Variants in TTC28 observed in about 807,000 individuals in gnomAD.
TTC28 encodes tetratricopeptide repeat domain 28, also known as tetratricopeptide repeat protein 28.
TTC28 carries 61 observed loss-of-function variants against 198.0 expected under a neutral mutation model. The observed-to-expected ratio is 0.31, with a 90% CI of 0.25 to 0.38. TTC28 has a LOEUF of 0.38. Among genes scored for constraint, TTC28 ranks in the 10% least tolerant of loss-of-function variants. TTC28 has a pLI of 1.00. For synonymous variants in TTC28, 1,171 were observed against 1,297.8 expected (o/e 0.90, Z 2.10); for missense variants, 2,678 against 3,164.0 (o/e 0.85, Z 3.69).
rs1023555328 is a variant in TTC28 at position 28,210,509 on chromosome 22, C to T, written c.934-46910G>A. 1.7e-4 allele frequency among the ~76,000 whole-genome samples: 26 copies of T among 152,048 alleles called. 1 individual carries two copies. Among genetic ancestry groups the T allele is most frequent in the Non-Finnish European group, 2.5e-4 (17 of 67,998 alleles). Reference sequence around the variant, plus strand: ...TGACACATACACAAGCTTCAGCAGCCGACTCAATCAAGTGGAAGAAAGGGT... The same window carrying T: ...TGACACATACACAAGCTTCAGCAGCTGACTCAATCAAGTGGAAGAAAGGGT... On this transcript the variant is annotated intron_variant, in intron 5 of 22. Coordinates refer to ENST00000397906, the MANE Select transcript of TTC28 (RefSeq NM_001145418.2).
chr22:28,043,345 G>A (rs1175376304), intron 12 of TTC28, among the ~76,000 whole-genome samples: 3 of 151,106 alleles, frequency 2.0e-5, no homozygotes, highest in Non-Finnish European at 2.9e-5. Flanking sequence ...TGTATCAGAC[G>A]TGTATTACTG....
intron 12 of TTC28, among the ~76,000 whole-genome samples, chr22:28,033,084 A>G (rs1017936499): frequency 6.6e-6 from 1 of 152,188 alleles, no homozygotes; most frequent in Admixed American, 6.5e-5. Flanking sequence ...TCGGCTTATC[A>G]TTCAGCCTTT....
chr22:28,171,070 G>C (rs2075201397), intron 5 of TTC28, among the ~76,000 whole-genome samples: 1 of 151,412 alleles, frequency 6.6e-6, no homozygotes, highest in Non-Finnish European at 1.5e-5. Flanking sequence ...CTCTATGCTG[G>C]TGTACTGAAC....
chr22:28,406,091 C>T (rs1449999190), intron 2 of TTC28, among the ~76,000 whole-genome samples: 3 of 152,236 alleles, frequency 2.0e-5, no homozygotes, highest in Non-Finnish European at 4.4e-5. Context: ...TTTTGGGGCT[C>T]GCCTGCACTG....
chr22:28,403,798 A>C (rs1569307536), intron 2 of TTC28, among the ~76,000 whole-genome samples: 1 of 152,252 alleles, frequency 6.6e-6, no homozygotes, highest in Non-Finnish European at 1.5e-5. Context: ...TTGCCATCAA[A>C]GGTAAACAGT....
intron 2 of TTC28, among the ~76,000 whole-genome samples, chr22:28,467,296 C>A (rs1389234666): frequency 6.6e-6 from 1 of 152,078 alleles, no homozygotes; most frequent in Non-Finnish European, 1.5e-5. Context: ...TGGTGGTGCA[C>A]ATCTGTGGTC....
intron 2 of TTC28, among the ~76,000 whole-genome samples, chr22:28,458,487 A>G (rs1601422507): frequency 1.3e-5 from 2 of 152,340 alleles, no homozygotes; most frequent in East Asian, 3.9e-4. Flanking sequence ...AAGTTCTTAA[A>G]CAAATCAGAA....
chr22:27,988,905 T>C (rs1290393261), intron 21 of TTC28, among the ~76,000 whole-genome samples: 1 of 152,194 alleles, frequency 6.6e-6, no homozygotes, highest in Non-Finnish European at 1.5e-5. Context: ...CCTTAGACAC[T>C]GTATTAGGTT....
At chr22:28,672,685 A>G (rs2051908814) in intron 1 of TTC28, among the ~76,000 whole-genome samples, 1 of 152,240 alleles carries the variant, frequency 6.6e-6, no homozygotes, top group Non-Finnish European at 1.5e-5. Context: ...CTCTTTGACT[A>G]AATACCAGGA....
intron 5 of TTC28, among the ~76,000 whole-genome samples, chr22:28,270,539 A>AT (rs1453836520): frequency 6.6e-6 from 1 of 152,198 alleles, no homozygotes; most frequent in Admixed American, 6.5e-5. Flanking sequence ...TTAAAAAAAA[A>AT]ACCCACAAAC....
intron 12 of TTC28, among the ~76,000 whole-genome samples, chr22:28,061,337 T>G (rs948282166): frequency 4.6e-5 from 7 of 152,224 alleles, no homozygotes; most frequent in Admixed American, 1.3e-4. Flanking sequence ...CTTCTAGGGT[T>G]TTTATGGTTT....
chr22:28,501,631 T>C (rs7291268), intron 2 of TTC28, among the ~76,000 whole-genome samples: 15,089 of 152,182 alleles, frequency 0.099, 847 homozygotes, highest in African/African-American at 0.12. Context: ...TTACACATTC[T>C]AGGCATGTAA....
chr22:28,469,362 C>T (rs777974451), intron 2 of TTC28, among the ~76,000 whole-genome samples: 3 of 152,130 alleles, frequency 2.0e-5, no homozygotes, highest in Non-Finnish European at 4.4e-5. Context: ...CAGTAAGAGA[C>T]TATGGTAAAC....
chr22:28,048,703 C>T (rs139080162), intron 12 of TTC28, among the ~76,000 whole-genome samples: 1,572 of 152,214 alleles, frequency 0.01, 31 homozygotes, highest in African/African-American at 0.035. Context: ...TAACACCAGT[C>T]TAGCTTTCAA....
chr22:28,173,595 C>T (rs1191186231), intron 5 of TTC28, among the ~76,000 whole-genome samples: 1 of 152,136 alleles, frequency 6.6e-6, no homozygotes, highest in African/African-American at 2.4e-5. Flanking sequence ...CAGATTTAGG[C>T]GCATAAGAGT....
intron 12 of TTC28, among the ~76,000 whole-genome samples, chr22:28,088,154 G>A (rs897485195): frequency 2.4e-4 from 36 of 151,950 alleles, no homozygotes; most frequent in South Asian, 8.3e-4. Flanking sequence ...CAGAATTGGA[G>A]AAAACTACTT....
At chr22:28,099,226 C>T (rs868825188) in intron 9 of TTC28, among the ~76,000 whole-genome samples, 182 bp from the exon 10 acceptor site, 23 of 152,230 alleles carry the variant, frequency 1.5e-4, no homozygotes, top group African/African-American at 3.9e-4. Flanking sequence ...AAGAATAGGC[C>T]GAGGCAGACA....
intron 2 of TTC28, among the ~76,000 whole-genome samples, chr22:28,420,282 A>T (rs943616091): frequency 2.0e-5 from 3 of 152,226 alleles, no homozygotes; most frequent in East Asian, 3.8e-4. Context: ...CTGCAGTAAA[A>T]AAAGAATTAG....
chr22:28,483,279 T>C (rs1389266848), intron 2 of TTC28, among the ~76,000 whole-genome samples: 2 of 152,106 alleles, frequency 1.3e-5, no homozygotes, highest in Admixed American at 6.6e-5. Context: ...CATGTAAGTG[T>C]CATGTCAGAT....
Sources: allele counts gnomAD v4.1 joint callset (sites outside exome capture counted in the v4.1 genomes callset), GRCh38; gene constraint gnomAD v4.1.1; transcripts MANE v1.5; gene names NCBI Gene and HGNC (gene_info 2026-07-23, HGNC 2026-07-21).